Variants in OPRM1 observed in about 807,000 individuals in gnomAD.
OPRM1 encodes the protein mu-type opioid receptor.
In OPRM1, 27 loss-of-function variants were observed where a neutral mutation model predicts 31.8. The ratio of observed to expected loss-of-function variants is 0.85; its 90% CI spans 0.63 to 1.17. OPRM1 has a LOEUF of 1.17. OPRM1 is among the 50% of genes most tolerant of loss of function. The pLI is 0.00. For missense variants in OPRM1, 536 were observed against 511.1 expected (o/e 1.05, Z -0.47); for synonymous variants, 196 against 189.9 (o/e 1.03, Z -0.26).
At chr6:154,138,018 T>C (rs529465412) in intron 3 of OPRM1, among the ~76,000 whole-genome samples, 7 of 152,306 alleles carry the variant, frequency 4.6e-5, no homozygotes, top group Admixed American at 4.6e-4. Context: ...AAAGACATAG[T>C]CTTCCCCTTC....
At chr6:154,182,751 A>C (rs998295566) in intron 3 of OPRM1, among the ~76,000 whole-genome samples, 4 of 152,196 alleles carry the variant, frequency 2.6e-5, no homozygotes, top group Non-Finnish European at 5.9e-5. Context: ...CATTGTAGAT[A>C]AATATGTTAG....
intron 1 of OPRM1, among the ~76,000 whole-genome samples, chr6:154,018,505 CTT>C (rs747320275): frequency 7.1e-4 from 100 of 141,186 alleles, no homozygotes; most frequent in African/African-American, 2.1e-3. Flanking sequence ...CCCGTTAATT[CTT>C]TTTTTTTTTT....
intron 1 of OPRM1, among the ~76,000 whole-genome samples, chr6:154,050,883 C>T (rs974147913): frequency 3.9e-5 from 6 of 152,058 alleles, no homozygotes; most frequent in Non-Finnish European, 8.8e-5. Context: ...TAAATATATA[C>T]ACCTACTACA....
chr6:154,095,542 A>C (rs1793215500), intron 3 of OPRM1, among the ~76,000 whole-genome samples: 1 of 152,132 alleles, frequency 6.6e-6, no homozygotes, highest in South Asian at 2.1e-4. Context: ...ACTCTGATCC[A>C]ATGTTATTTA....
At chr6:154,032,824 G>A (rs1443632317) in intron 1 of OPRM1, among the ~76,000 whole-genome samples, 1 of 152,206 alleles carries the variant, frequency 6.6e-6, no homozygotes, top group African/African-American at 2.4e-5. Flanking sequence ...TCAGGAGATG[G>A]TGATGCCATT....
In OPRM1 at chr6:154,124,502, A is replaced by G. The variant is rs534134408; in HGVS notation, c.*5781A>G. ...GTGGGGTGGGATGTTAGAGCTCTAG[A>G]CATTAATTCCTAGGAATCGCATACC... On this transcript the variant is annotated 3_prime_UTR_variant, in exon 4 of 4. Transcript: ENST00000330432. Among the ~76,000 whole-genome samples, 10 of 152,328 alleles carry G rather than the reference A, an allele frequency of 6.6e-5. No homozygotes were observed. The East Asian group carries it at 1.9e-3, about 29-fold the overall frequency.
intron 3 of OPRM1, among the ~76,000 whole-genome samples, chr6:154,118,046 A>G (rs1323041): frequency 0.51 from 77,884 of 152,018 alleles, 20,448 homozygotes; most frequent in East Asian, 0.79. Flanking sequence ...AATGATAGCA[A>G]CAATTATTTG....
At chr6:154,234,917 T>A (rs2128630344) in intron 3 of OPRM1, among the ~76,000 whole-genome samples, 1 of 152,360 alleles carries the variant, frequency 6.6e-6, no homozygotes, top group Admixed American at 6.5e-5. Flanking sequence ...TGTAAAATCC[T>A]TAGCTTCTGC....
At chr6:154,133,438 A>G (rs1427968279), downstream of OPRM1, among the ~76,000 whole-genome samples, 5 of 152,192 alleles carry the variant, frequency 3.3e-5, no homozygotes, top group Non-Finnish European at 7.4e-5. Context: ...TCTGCTATCA[A>G]TTGATAGACA....
chr6:154,169,092 G>A (rs1343072361), intron 3 of OPRM1, among the ~76,000 whole-genome samples: 1 of 148,910 alleles, frequency 6.7e-6, no homozygotes, highest in Non-Finnish European at 1.5e-5. Flanking sequence ...TGGGTGTGGT[G>A]GCTCACGCCT....
chr6:154,180,862 T>C (rs374438497), intron 3 of OPRM1, among the ~76,000 whole-genome samples: 5 of 152,108 alleles, frequency 3.3e-5, no homozygotes, highest in African/African-American at 1.2e-4. Flanking sequence ...TAATTTTAGT[T>C]CCCCAACATG....
chr6:154,119,241 G>C lies in OPRM1; in HGVS notation c.*520G>C, dbSNP rs977291634. ...ACCTTAAAATTAGCATCTGGCTAAG[G>C]CATCATTTTCACCTCCATTTCTTGG... is the stretch of plus-strand genomic sequence containing the variant. On this transcript the variant is annotated 3_prime_UTR_variant, in exon 4 of 4. Coordinates refer to ENST00000330432, the MANE Select transcript of OPRM1 (RefSeq NM_000914.5). 8 of 985,196 alleles carry C rather than the reference G, an allele frequency of 8.1e-6. No homozygotes were observed. The highest frequency in any genetic ancestry group is 7.0e-5 in the African/African-American group (4 of 57,208). The allele number at this position is 985,196 out of a possible 1,614,324, so 61.0% of individuals were successfully genotyped here.
At chr6:154,210,961 T>C (rs982237315) in intron 3 of OPRM1, among the ~76,000 whole-genome samples, 4 of 152,184 alleles carry the variant, frequency 2.6e-5, no homozygotes, top group African/African-American at 9.7e-5. Context: ...ATCAATATAA[T>C]ACCTTAAATC....
At chr6:154,241,065 G>T (rs1023354432) in intron 3 of OPRM1, among the ~76,000 whole-genome samples, 1 of 151,838 alleles carries the variant, frequency 6.6e-6, no homozygotes, top group Non-Finnish European at 1.5e-5. Context: ...GTGAAACCCC[G>T]TCTCTACTAA....
intron 1 of OPRM1, 149 bp downstream of exon 1, chr6:154,039,983 T>C (rs920734458): frequency 1.2e-5 from 7 of 587,620 alleles, no homozygotes; most frequent in Non-Finnish European, 2.0e-5. Flanking sequence ...CGGACAGTGA[T>C]TGTTATTTCT....
At chr6:154,022,849 T>C (rs1778458005) in intron 1 of OPRM1, among the ~76,000 whole-genome samples, 1 of 151,302 alleles carries the variant, frequency 6.6e-6, no homozygotes, top group African/African-American at 2.4e-5. Context: ...TGTAAAAAAC[T>C]GAGTTCACTG....
chr6:154,152,768 C>T (rs1481286533), intron 3 of OPRM1, among the ~76,000 whole-genome samples: 3 of 152,144 alleles, frequency 2.0e-5, no homozygotes, highest in Non-Finnish European at 4.4e-5. Context: ...CTTGTTCTGT[C>T]ACCCAGACTG....
chr6:154,093,256 T>G, intron 3 of OPRM1: 1 of 1,604,830 alleles, frequency 6.2e-7, no homozygotes. Flanking sequence ...AAGTACTGAC[T>G]CTTTCTCCTT....
At chr6:154,201,617 A>G (rs183942724) in intron 3 of OPRM1, among the ~76,000 whole-genome samples, 53 of 152,292 alleles carry the variant, frequency 3.5e-4, no homozygotes, top group African/African-American at 1.3e-3. Flanking sequence ...AAGGAAGGCC[A>G]GGCGCGGTGG....
Sources: gnomAD v4.1 joint callset for allele counts (sites outside exome capture counted in the v4.1 genomes callset) on GRCh38, gnomAD v4.1.1 for gene constraint, MANE v1.5 for transcripts, NCBI Gene and HGNC (gene_info 2026-07-23, HGNC 2026-07-21) for gene names.